LRRC37A: variants seen among roughly 807,000 people sequenced by gnomAD.
LRRC37A encodes leucine-rich repeat-containing protein 37A.
In LRRC37A, 3 loss-of-function variants were observed where a neutral mutation model predicts 35.4. That is an observed-to-expected ratio of 0.08 (90% CI 0.04 to 0.22). The LOEUF (loss-of-function observed/expected upper bound fraction) is 0.22. Ranked by LOEUF, LRRC37A falls within the 10% of genes least tolerant of loss-of-function variation. The pLI is 1.00. For synonymous variants in LRRC37A, 23 were observed against 215.0 expected (o/e 0.11, Z 7.81); for missense variants, 67 against 565.3 (o/e 0.12, Z 8.94).
the LRRC37A span, chr17:46,268,599 G>A: frequency 1.3e-6 from 2 of 1,547,810 alleles, no homozygotes; most frequent in Admixed American, 1.9e-5. Context: ...CTGTCCAGGG[G>A]ATGGACTGCT....
At chr17:46,276,771 G>A in the LRRC37A span, among the ~76,000 whole-genome samples, 2 of 149,528 alleles carry the variant, frequency 1.3e-5, no homozygotes, top group South Asian at 4.2e-4. Flanking sequence ...TCTTTGCATT[G>A]TAATTTTTTT....
chr17:46,251,469 G>T, the LRRC37A span, among the ~76,000 whole-genome samples: 1 of 152,022 alleles, frequency 6.6e-6, no homozygotes, highest in Admixed American at 6.6e-5. Flanking sequence ...TGTTGGTCAG[G>T]CTGGTCTCAA....
chr17:46,279,175 CTTTTTTTTCTTTT>C, the LRRC37A span, among the ~76,000 whole-genome samples: 2 of 147,784 alleles, frequency 1.4e-5, no homozygotes, highest in Non-Finnish European at 3.0e-5. Flanking sequence ...ATAAGGCATT[CTTTTTTTTCTTTT>C]TTTTTTTTTT....
the LRRC37A span, among the ~76,000 whole-genome samples, chr17:46,273,598 T>G: frequency 6.6e-6 from 1 of 152,246 alleles, no homozygotes; most frequent in Non-Finnish European, 1.5e-5. Flanking sequence ...CAGAAGTTGA[T>G]AGGACAAAGC....
the LRRC37A span, among the ~76,000 whole-genome samples, chr17:46,267,892 TC>T: frequency 1.7e-5 from 2 of 115,168 alleles, no homozygotes; most frequent in East Asian, 2.7e-4. Context: ...CACTCCCACA[TC>T]TTTTTTTTTT....
Position 46,300,197 on chromosome 17 carries a change from T to G in LRRC37A, c.2681+332T>G, listed in dbSNP as rs1478092025. ...GGCACAATCACAGCTCACTGCAGCC[T>G]TCACCTCCCAGGCCCAAGTGATCCT... is the stretch of plus-strand genomic sequence containing the variant. On this transcript the variant is annotated intron_variant, in intron 2 of 13. Coordinates refer to ENST00000320254, the Ensembl canonical transcript of LRRC37A. Among the ~76,000 whole-genome samples the G allele has an allele frequency of 1.6e-4, 7 of 43,040 alleles. 3 individuals are homozygous for G. The highest frequency in any genetic ancestry group is 5.3e-4 in the Non-Finnish European group (7 of 13,098). 28.2% of individuals were successfully genotyped at this position (43,040 alleles called of 152,430 possible).
At chr17:46,283,412 G>A in the LRRC37A span, among the ~76,000 whole-genome samples, 1 of 152,340 alleles carries the variant, frequency 6.6e-6, no homozygotes, top group African/African-American at 2.4e-5. Flanking sequence ...GAAAAAGTAG[G>A]CATTCTTATT....
chr17:46,275,682 ATT>A, the LRRC37A span, among the ~76,000 whole-genome samples: 1 of 152,230 alleles, frequency 6.6e-6, no homozygotes, highest in African/African-American at 2.4e-5. Flanking sequence ...AGATTACAAC[ATT>A]TTCAGGCAAC....
chr17:46,287,799 C>T (rs1279999800), upstream of LRRC37A, among the ~76,000 whole-genome samples: 2 of 152,234 alleles, frequency 1.3e-5, no homozygotes, highest in Non-Finnish European at 2.9e-5. Flanking sequence ...GCAGGGTCTA[C>T]ACTGCTTGGC....
chr17:46,288,642 G>A (rs191475421), upstream of LRRC37A, among the ~76,000 whole-genome samples: 331 of 151,634 alleles, frequency 2.2e-3, no homozygotes, highest in Middle Eastern at 6.9e-3. Flanking sequence ...CAGTGAGGAC[G>A]ACCAGAGGTC....
chr17:46,254,108 C>T, the LRRC37A span, among the ~76,000 whole-genome samples: 2 of 152,296 alleles, frequency 1.3e-5, no homozygotes, highest in African/African-American at 4.8e-5. Flanking sequence ...CAACGACAGA[C>T]CCGTGTTCTG....
chr17:46,285,637 G>A, the LRRC37A span, among the ~76,000 whole-genome samples: 1 of 152,188 alleles, frequency 6.6e-6, no homozygotes, highest in African/African-American at 2.4e-5. Context: ...AAAATAAAAT[G>A]TATAAAGAAG....
the LRRC37A span, among the ~76,000 whole-genome samples, chr17:46,279,461 G>A: frequency 1.3e-5 from 2 of 151,284 alleles, no homozygotes; most frequent in Non-Finnish European, 2.9e-5. Flanking sequence ...TGGGATTACA[G>A]GCATGAGCCA....
At chr17:46,332,829 A>G (rs879232018) in intron 10 of LRRC37A, 173 bp downstream of exon 10, 8 of 393,974 alleles carry the variant, frequency 2.0e-5, no homozygotes, top group Admixed American at 3.7e-5. Context: ...TGTATATTTC[A>G]GGATTTTTAA....
the LRRC37A span, among the ~76,000 whole-genome samples, chr17:46,256,275 C>T: frequency 6.6e-6 from 1 of 152,084 alleles, no homozygotes; most frequent in Non-Finnish European, 1.5e-5. Flanking sequence ...ATCCCAGCTA[C>T]TTGGGAGGCT....
chr17:46,271,094 T>TAA, the LRRC37A span, among the ~76,000 whole-genome samples: 1 of 152,104 alleles, frequency 6.6e-6, no homozygotes, highest in African/African-American at 2.4e-5. Context: ...AAGTACTTCA[T>TAA]TATTTTATCC....
the LRRC37A span, among the ~76,000 whole-genome samples, chr17:46,259,273 G>A: frequency 6.6e-6 from 1 of 151,588 alleles, no homozygotes; most frequent in African/African-American, 2.4e-5. Flanking sequence ...GTATGATCGG[G>A]TGGGGGTGGG....
At chr17:46,253,690 A>G in the LRRC37A span, among the ~76,000 whole-genome samples, 1 of 141,092 alleles carries the variant, frequency 7.1e-6, no homozygotes, top group African/African-American at 2.5e-5. Flanking sequence ...GTGAGCCGAG[A>G]TGGCGGCAGT....
chr17:46,278,053 C>T, the LRRC37A span, among the ~76,000 whole-genome samples: 67 of 151,960 alleles, frequency 4.4e-4, 2 homozygotes, highest in East Asian at 0.012. Context: ...TCAAGTGATT[C>T]TTCTGCCTCA....
Sources: allele counts gnomAD v4.1 joint callset (sites outside exome capture counted in the v4.1 genomes callset), GRCh38; gene constraint gnomAD v4.1.1; transcripts MANE v1.5; gene names NCBI Gene and HGNC (gene_info 2026-07-23, HGNC 2026-07-21).